The following DENND2A variants were observed in gnomAD, a reference collection of about 807,000 sequenced individuals.
The protein encoded by DENND2A is DENN domain containing 2A.
A neutral mutation model predicts 105.3 loss-of-function variants in DENND2A; 53 were observed. The ratio of observed to expected loss-of-function variants is 0.50; its 90% CI spans 0.40 to 0.63. DENND2A has a LOEUF of 0.63. DENND2A is among the 30% of genes least tolerant of loss of function. The pLI, the probability that DENND2A is intolerant of heterozygous loss-of-function variation, is 0.00. For missense variants in DENND2A, 1,138 were observed against 1,279.6 expected, an observed-to-expected ratio of 0.89 and a Z score of 1.69; for synonymous variants, 522 against 508.4, an observed-to-expected ratio of 1.03 and a Z score of -0.36.
intron 16 of DENND2A, among the ~76,000 whole-genome samples, chr7:140,525,375 G>A (rs569713066): frequency 1.2e-4 from 18 of 151,912 alleles, no homozygotes; most frequent in African/African-American, 4.1e-4. Context: ...GGCTGGTCTC[G>A]AACTCCTGAC....
chr7:140,564,549 C>T (rs1797759087), intron 9 of DENND2A, among the ~76,000 whole-genome samples: 1 of 152,066 alleles, frequency 6.6e-6, no homozygotes, highest in African/African-American at 2.4e-5. Context: ...TTAGAAAAGA[C>T]TGGAAGAAAA....
At chr7:140,636,433 C>T (rs1374839057) in intron 1 of DENND2A, among the ~76,000 whole-genome samples, 2 of 152,112 alleles carry the variant, frequency 1.3e-5, no homozygotes, top group East Asian at 1.9e-4. Context: ...GGAGACTGTG[C>T]GGAACGCCAG....
rs116654006 is a variant in DENND2A, at chr7:140,526,895, G to A, written c.2505+423C>T. Among the ~76,000 whole-genome samples the A allele has an allele frequency of 7.6e-3, 1,152 of 152,234 alleles. 15 individuals are homozygous for A. The highest frequency in any genetic ancestry group is 0.026 in the African/African-American group (1,095 of 41,554). On this transcript the variant is annotated intron_variant, in intron 15 of 19. Coordinates refer to ENST00000496613, the MANE Select transcript of DENND2A (RefSeq NM_015689.5). ...AGAAGTGCCAAGCAGGACTTTCCCCGCTTCGATGCTAAACTGGACACCCAG... is the reference window on the plus strand; with the variant it reads ...AGAAGTGCCAAGCAGGACTTTCCCCACTTCGATGCTAAACTGGACACCCAG...
chr7:140,606,801 G>C (rs1026996134), intron 1 of DENND2A, among the ~76,000 whole-genome samples: 1 of 152,206 alleles, frequency 6.6e-6, no homozygotes, highest in Non-Finnish European at 1.5e-5. Context: ...AGCAGCCTCA[G>C]CTCAGAAGTA....
intron 3 of DENND2A, among the ~76,000 whole-genome samples, chr7:140,591,419 AG>A (rs1020826723): frequency 1.3e-5 from 2 of 152,216 alleles, no homozygotes; most frequent in Admixed American, 6.5e-5. Context: ...GTTAGTTTTC[AG>A]GTGACTAATT....
At chr7:140,618,053 G>A (rs1426354837) in intron 1 of DENND2A, among the ~76,000 whole-genome samples, 1 of 152,164 alleles carries the variant, frequency 6.6e-6, no homozygotes, top group Non-Finnish European at 1.5e-5. Context: ...GCAATTTAGT[G>A]GCCATCTTGG....
At chr7:140,571,836 C>T (rs888772597) in intron 6 of DENND2A, among the ~76,000 whole-genome samples, 2 of 152,138 alleles carry the variant, frequency 1.3e-5, no homozygotes, top group African/African-American at 4.8e-5. Flanking sequence ...AACAGTCTAA[C>T]TTTCTAGGTT....
At chr7:140,639,245 G>T (rs531042844) in intron 1 of DENND2A, among the ~76,000 whole-genome samples, 1 of 151,748 alleles carries the variant, frequency 6.6e-6, no homozygotes, top group Admixed American at 6.6e-5. Flanking sequence ...CCAGCTACTC[G>T]GGAAGCTGAG....
chr7:140,630,550 C>T (rs1367847673), intron 1 of DENND2A, among the ~76,000 whole-genome samples: 1 of 152,128 alleles, frequency 6.6e-6, no homozygotes. Flanking sequence ...ACTGAGGAGG[C>T]AGTATTCAAA....
intron 14 of DENND2A, among the ~76,000 whole-genome samples, chr7:140,538,536 T>C (rs1171152983): frequency 6.6e-6 from 1 of 152,210 alleles, no homozygotes; most frequent in East Asian, 1.9e-4. Flanking sequence ...AGATAGAGTC[T>C]CACTCTGTTG....
At chr7:140,551,419 C>T (rs1438102125) in intron 12 of DENND2A, among the ~76,000 whole-genome samples, 1 of 152,054 alleles carries the variant, frequency 6.6e-6, no homozygotes, top group Non-Finnish European at 1.5e-5. Flanking sequence ...CTTAGGAGGC[C>T]TGCCTTCGTG....
intron 11 of DENND2A, among the ~76,000 whole-genome samples, chr7:140,556,120 C>T (rs377391123): frequency 2.6e-5 from 4 of 151,958 alleles, no homozygotes; most frequent in South Asian, 2.1e-4. Context: ...CAGATTCAAG[C>T]GATTCTCCTG....
chr7:140,578,229 G>T (rs1798388775), intron 5 of DENND2A, among the ~76,000 whole-genome samples: 1 of 152,178 alleles, frequency 6.6e-6, no homozygotes, highest in South Asian at 2.1e-4. Context: ...TCCTGGGCGG[G>T]GTGGGGGGTG....
intron 1 of DENND2A, among the ~76,000 whole-genome samples, chr7:140,622,201 C>G (rs1800319219): frequency 6.6e-6 from 1 of 151,946 alleles, no homozygotes; most frequent in Non-Finnish European, 1.5e-5. Flanking sequence ...AGTTCAAGAC[C>G]AGCCTGGCCA....
chr7:140,553,664 C>T (rs961545935), intron 12 of DENND2A, among the ~76,000 whole-genome samples: 2 of 152,180 alleles, frequency 1.3e-5, no homozygotes, highest in South Asian at 2.1e-4. Context: ...GTGTTTGTGT[C>T]CCTGGGTACT....
chr7:140,584,279 A>G (rs1798682579), intron 5 of DENND2A, among the ~76,000 whole-genome samples: 1 of 152,204 alleles, frequency 6.6e-6, no homozygotes, highest in African/African-American at 2.4e-5. Context: ...ACAAAGGTTG[A>G]TTGAAATACA....
chr7:140,575,087 G>A (rs928499067), intron 5 of DENND2A, among the ~76,000 whole-genome samples: 3 of 151,952 alleles, frequency 2.0e-5, no homozygotes, highest in Admixed American at 6.6e-5. Flanking sequence ...ACCCATAGAC[G>A]ATAACTCACA....
chr7:140,532,991 CTTT>C (rs3042406), intron 14 of DENND2A, among the ~76,000 whole-genome samples: 6 of 120,140 alleles, frequency 5.0e-5, no homozygotes, highest in Non-Finnish European at 3.3e-5. Context: ...AGGCTACCTG[CTTT>C]TTTTTTTTTT....
At chr7:140,576,569 C>T (rs1798307659) in intron 5 of DENND2A, among the ~76,000 whole-genome samples, 1 of 152,202 alleles carries the variant, frequency 6.6e-6, no homozygotes, top group African/African-American at 2.4e-5. Flanking sequence ...GCATATTTTG[C>T]TCCATTGATT....
Sources: allele counts gnomAD v4.1 joint callset (sites outside exome capture counted in the v4.1 genomes callset), GRCh38; gene constraint gnomAD v4.1.1; transcripts MANE v1.5; gene names NCBI Gene and HGNC (gene_info 2026-07-23, HGNC 2026-07-21).